The following NBEA variants were observed in gnomAD, a reference collection of about 807,000 sequenced individuals.
NBEA encodes lysosomal-trafficking regulator 2.
A neutral mutation model predicts 343.4 loss-of-function variants in NBEA; 44 were observed. That is an observed-to-expected ratio of 0.13 (90% CI 0.10 to 0.16). NBEA has a LOEUF of 0.16. NBEA is among the 10% of genes least tolerant of loss of function. The pLI, the probability that NBEA is intolerant of heterozygous loss-of-function variation, is 1.00. For missense variants in NBEA, 2,555 were observed against 3,631.3 expected, an observed-to-expected ratio of 0.70 and a Z score of 7.62; for synonymous variants, 1,175 against 1,238.7, an observed-to-expected ratio of 0.95 and a Z score of 1.08.
intron 39 of NBEA, among the ~76,000 whole-genome samples, chr13:35,448,346 T>C (rs1445159603): frequency 6.6e-6 from 1 of 152,222 alleles, no homozygotes; most frequent in Non-Finnish European, 1.5e-5. Context: ...AAAAACTTGC[T>C]TTATTAGATT....
At chr13:34,967,525 C>G (rs930001454) in intron 1 of NBEA, among the ~76,000 whole-genome samples, 1 of 151,806 alleles carries the variant, frequency 6.6e-6, no homozygotes, top group East Asian at 1.9e-4. Context: ...TTTTTGTCTT[C>G]AAGTAGTAAT....
At chr13:35,246,626 G>C (rs1282828069) in intron 34 of NBEA, among the ~76,000 whole-genome samples, 1 of 152,124 alleles carries the variant, frequency 6.6e-6, no homozygotes, top group Non-Finnish European at 1.5e-5. Context: ...ACAGAGTCCT[G>C]TCATGTGAAC....
chr13:34,963,901 T>A (rs1381045971), intron 1 of NBEA, among the ~76,000 whole-genome samples: 1 of 151,576 alleles, frequency 6.6e-6, no homozygotes, highest in African/African-American at 2.4e-5. Context: ...TCAATAATAA[T>A]AAAAATAATA....
intron 1 of NBEA, among the ~76,000 whole-genome samples, chr13:35,020,236 T>C (rs1296144628): frequency 6.6e-6 from 1 of 152,162 alleles, no homozygotes; most frequent in East Asian, 1.9e-4. Context: ...TCTAATTTTC[T>C]TGGTGACTTC....
At chr13:34,951,560 C>T (rs896921999) in intron 1 of NBEA, among the ~76,000 whole-genome samples, 2 of 152,168 alleles carry the variant, frequency 1.3e-5, no homozygotes, top group African/African-American at 2.4e-5. Context: ...GGAGGGGACT[C>T]TTAGGTACAC....
intron 10 of NBEA, among the ~76,000 whole-genome samples, chr13:35,094,761 A>G (rs1593325329): frequency 6.6e-6 from 1 of 152,176 alleles, no homozygotes; most frequent in Middle Eastern, 3.4e-3. Flanking sequence ...ATCATCTTTT[A>G]AAATATTTCA....
At chr13:34,999,161 CCTT>C (rs968695324) in intron 1 of NBEA, among the ~76,000 whole-genome samples, 34 of 151,972 alleles carry the variant, frequency 2.2e-4, no homozygotes, top group Admixed American at 2.0e-3. Flanking sequence ...GGGTAAGAAT[CCTT>C]CTTTTGTTCT....
chr13:34,989,633 G>A (rs959304612), intron 1 of NBEA, among the ~76,000 whole-genome samples: 5 of 150,600 alleles, frequency 3.3e-5, no homozygotes, highest in African/African-American at 1.2e-4. Flanking sequence ...GTTTGGGTGG[G>A]GACACAGAGC....
At chr13:35,029,605 A>G (rs763374990) in intron 1 of NBEA, among the ~76,000 whole-genome samples, 21 of 151,644 alleles carry the variant, frequency 1.4e-4, no homozygotes, top group African/African-American at 1.4e-4. Flanking sequence ...CAGTTTAACA[A>G]TTGTTCACTT....
chr13:35,132,260 C>T (rs766126918), intron 17 of NBEA, among the ~76,000 whole-genome samples: 1 of 152,086 alleles, frequency 6.6e-6, no homozygotes, highest in African/African-American at 2.4e-5. Context: ...CATGTTCAAG[C>T]GATTCTTCTG....
At chr13:35,132,285 G>C (rs776446259) in intron 17 of NBEA, among the ~76,000 whole-genome samples, 1 of 151,996 alleles carries the variant, frequency 6.6e-6, no homozygotes, top group Non-Finnish European at 1.5e-5. Flanking sequence ...AGCCTCCCAC[G>C]TAGCCAGGAC....
At chr13:35,296,362 C>G (rs2152822042) in intron 35 of NBEA, among the ~76,000 whole-genome samples, 1 of 140,790 alleles carries the variant, frequency 7.1e-6, no homozygotes. Flanking sequence ...GCCTAGGCGA[C>G]AGAGCGAGAC....
chr13:35,451,946 G>A, intron 39 of NBEA, 146 bp from the exon 40 acceptor site: 2 of 651,608 alleles, frequency 3.1e-6, no homozygotes, highest in South Asian at 4.5e-5. Context: ...AACCAAACAA[G>A]ATAAAGAAGG....
At chr13:35,394,563 A>G (rs1305152161) in intron 38 of NBEA, among the ~76,000 whole-genome samples, 1 of 152,140 alleles carries the variant, frequency 6.6e-6, no homozygotes, top group South Asian at 2.1e-4. Flanking sequence ...TTCTTGCTAC[A>G]TGAGCAAACT....
rs1343128261 is a variant in NBEA, at chr13:35,159,622, A to G, written c.3451A>G (p.Ile1151Val). The G allele has an allele frequency of 1.2e-6, 2 of 1,611,252 alleles. No homozygotes were observed. Among genetic ancestry groups the G allele is most frequent in the Non-Finnish European group, 8.5e-7 (1 of 1,178,654 alleles). The change falls in exon 22 of 59, where the codon ATA becomes GTA. Residue 1151 changes from isoleucine (I) to valine (V), a missense_variant. By Grantham distance (29) the Ile-to-Val change is conservative. Coordinates refer to ENST00000379939, the MANE Select transcript of NBEA (RefSeq NM_001385012.1). ...NSSTSFLFDKIPKQEEKLLPE... is the reference protein window; with the variant it reads ...NSSTSFLFDKVPKQEEKLLPE... ...TAGTACATCATTTCTCTTTGATAAAATACCCAAACAGGAGGAAAAACTACT... is the reference window on the plus strand; with the variant it reads ...TAGTACATCATTTCTCTTTGATAAAGTACCCAAACAGGAGGAAAAACTACT...
intron 38 of NBEA, among the ~76,000 whole-genome samples, chr13:35,419,452 A>G (rs949534331): frequency 6.6e-6 from 1 of 152,080 alleles, no homozygotes; most frequent in African/African-American, 2.4e-5. Flanking sequence ...ACATCATACC[A>G]TCACCTTGGA....
intron 33 of NBEA, among the ~76,000 whole-genome samples, chr13:35,227,010 AG>A (rs1394526341): frequency 7.2e-5 from 11 of 152,240 alleles, no homozygotes; most frequent in Admixed American, 2.6e-4. Flanking sequence ...TCAATTTCTT[AG>A]TCTTCTATAG....
At chr13:35,117,973 G>C (rs556915626) in intron 14 of NBEA, among the ~76,000 whole-genome samples, 2 of 151,982 alleles carry the variant, frequency 1.3e-5, no homozygotes, top group Admixed American at 1.3e-4. Context: ...TACTTAGATG[G>C]TCAAAATATG....
chr13:35,545,384 T>C (rs2079019162), intron 41 of NBEA, among the ~76,000 whole-genome samples: 1 of 152,174 alleles, frequency 6.6e-6, no homozygotes, highest in Non-Finnish European at 1.5e-5. Context: ...CAAATCTCAC[T>C]CTGCCACCTT....
Sources: gnomAD v4.1 joint callset for allele counts (sites outside exome capture counted in the v4.1 genomes callset) on GRCh38, gnomAD v4.1.1 for gene constraint, MANE v1.5 for transcripts, NCBI Gene and HGNC (gene_info 2026-07-23, HGNC 2026-07-21) for gene names.